Variants in PSG1 observed in about 807,000 individuals in gnomAD.
PSG1 encodes the protein pregnancy specific beta-1-glycoprotein 1.
A neutral mutation model predicts 41.4 loss-of-function variants in PSG1; 60 were observed. That is an observed-to-expected ratio of 1.45 (90% confidence interval 1.18 to 1.80). The LOEUF is 1.80. PSG1 is among the 40% of genes most tolerant of loss of function. PSG1 has a pLI of 0.00. For missense variants in PSG1, 806 were observed against 516.9 expected (o/e 1.56, Z -5.42); for synonymous variants, 256 against 192.9 (o/e 1.33, Z -2.71).
chr19:42,879,253 C>G (rs1049306819), intron 1 of PSG1, among the ~76,000 whole-genome samples: 6 of 150,454 alleles, frequency 4.0e-5, no homozygotes, highest in South Asian at 2.1e-4. Flanking sequence ...CCCGGGTTCA[C>G]GTGATTCTCC....
intron 2 of PSG1, among the ~76,000 whole-genome samples, chr19:42,876,370 T>C (rs1178735456): frequency 6.6e-6 from 1 of 151,106 alleles, no homozygotes; most frequent in Non-Finnish European, 1.5e-5. Flanking sequence ...CAGAATTACA[T>C]GAGGTGGGGT....
In PSG1 at chr19:42,866,965, T is replaced by C. The variant is rs1170977446; in HGVS notation, c.*169A>G. ...ACAGTTTGAGCATCTGTTGTTATGG[T>C]GTCGAATATTTTGGTGAGTTCTGAG... is the stretch of plus-strand genomic sequence containing the variant. On this transcript the variant is annotated 3_prime_UTR_variant, in exon 6 of 6. Transcript: ENST00000436291. 1 of 756,488 alleles carries C rather than the reference T, an allele frequency of 1.3e-6. No homozygotes were observed. Among genetic ancestry groups the C allele is most frequent in the Non-Finnish European group, 2.4e-6 (1 of 413,746 alleles). 46.9% of individuals were successfully genotyped at this position (756,488 alleles called of 1,614,324 possible).
chr19:42,872,762 T>C lies in PSG1; in HGVS notation c.431-717A>G, dbSNP rs543423882. Among the ~76,000 whole-genome samples, 18 of 151,870 alleles carry C rather than the reference T, an allele frequency of 1.2e-4. No homozygotes were observed. The South Asian group carries it at 2.1e-3, about 18-fold the overall frequency. ...ATAGCTTTGGACCAAGACCATGTTC[T>C]CTCTTCTGGGTCCATGATGCTCCCT... is the stretch of plus-strand genomic sequence containing the variant. On this transcript the variant is annotated intron_variant, in intron 2 of 5. Transcript: ENST00000436291.
Position 42,876,049 on chromosome 19 carries a change from C to T in PSG1, c.430+1864G>A, listed in dbSNP as rs1211704275. Among the ~76,000 whole-genome samples, 23 of 151,260 alleles carry T rather than the reference C, an allele frequency of 1.5e-4. 1 individual carries two copies. In the Admixed American group the frequency reaches 1.5e-3, roughly 10 times the overall value. The stretch of plus-strand genomic sequence containing the variant: ...GTGGCAACTCCAGATGATTTCTGTG[C>T]CTTTCCTCTTTCCTGGGAGGTGGGC... On this transcript the variant is annotated intron_variant, in intron 2 of 5. Coordinates refer to ENST00000436291, the MANE Select transcript of PSG1 (RefSeq NM_001184825.2).
intron 2 of PSG1, among the ~76,000 whole-genome samples, chr19:42,872,485 G>A (rs1481393484): frequency 4.0e-5 from 6 of 151,702 alleles, no homozygotes; most frequent in Non-Finnish European, 7.4e-5. Context: ...CCTAGAGATG[G>A]ATGATGGAAC....
rs144665619 is a variant in PSG1 at position 42,868,154 on chromosome 19, C to G, written c.1190G>C (p.Arg397Pro). ...KHSGLYVCSV[R>P]NSATGKESSK... ...GCTTTCCTTGCCAGTGGCTGAGTTA[C>G]GAACAGAGCAAACATAGAGCCCGCT... Residue 397 changes from arginine to proline, a missense_variant, in exon 5 of 6, where the codon CGT (arginine) becomes CCT (proline). By Grantham distance (103) the Arg-to-Pro change is moderately radical. Coordinates refer to ENST00000436291, the MANE Select transcript of PSG1 (RefSeq NM_001184825.2). The G allele has an allele frequency of 1.2e-6, 2 of 1,612,148 alleles. No individual in the cohort carries two copies. The highest frequency in any genetic ancestry group is 1.3e-5 in the African/African-American group (1 of 74,628).
At position 42,868,217 on chromosome 19, in the gene PSG1, C is replaced by T. The variant is rs1971218639; in HGVS notation, c.1127G>A (p.Gly376Glu). 1.9e-6 allele frequency: 3 copies of T among 1,612,316 alleles called. 1 individual carries two copies. The highest frequency in any genetic ancestry group is 2.5e-6 in the Non-Finnish European group (3 of 1,179,118). ...AATATGGCGGATAAAGAGCTTTTGT[C>T]CTGGTAGCTGAAACTTTTCATTAAT... ...WTINEKFQLP[G>E]QKLFIRHITT... Residue 376 changes from glycine (G) to glutamate (E), a missense_variant, in exon 5 of 6, where the codon GGA (glycine) becomes GAA (glutamate). Physicochemically the swap from Gly to Glu is moderately conservative, Grantham distance 98. Transcript: ENST00000436291.
chr19:42,874,360 T>C (rs1331701347), intron 2 of PSG1, among the ~76,000 whole-genome samples: 1 of 151,476 alleles, frequency 6.6e-6, no homozygotes, highest in African/African-American at 2.4e-5. Flanking sequence ...GGGTTTTTTT[T>C]TTCTGAGACA....
chr19:42,872,439 G>A (rs1001038299), intron 2 of PSG1, among the ~76,000 whole-genome samples: 21 of 151,630 alleles, frequency 1.4e-4, no homozygotes, highest in Admixed American at 1.4e-3. Flanking sequence ...GCCCACTGAG[G>A]TATGTTTTCT....
chr19:42,874,181 A>C (rs1971509654), intron 2 of PSG1: 1 of 151,700 alleles, frequency 6.6e-6, no homozygotes, highest in African/African-American at 2.4e-5. Flanking sequence ...AAAACAAAAT[A>C]TTAAATATGA....
chr19:42,874,350 GGGT>G (rs1971516717), intron 2 of PSG1, among the ~76,000 whole-genome samples: 1 of 150,290 alleles, frequency 6.7e-6, no homozygotes, highest in Non-Finnish European at 1.5e-5. Context: ...TTCTCTAACA[GGGT>G]TTTTTTTTTC....
At position 42,868,205 on chromosome 19, in the gene PSG1, A is replaced by C. The variant is rs754610346; in HGVS notation, c.1139T>G (p.Phe380Cys). ...EKFQLPGQKL[F>C]IRHITTKHSG... ...ATGCTTTGTAGTAATATGGCGGATA[A>C]AGAGCTTTTGTCCTGGTAGCTGAAA... Residue 380 changes from phenylalanine (F) to cysteine (C), a missense_variant, in exon 5 of 6, where the codon TTT becomes TGT. Physicochemically the swap from Phe to Cys is radical, Grantham distance 205 (BLOSUM62 -2). Coordinates refer to ENST00000436291, the MANE Select transcript of PSG1 (RefSeq NM_001184825.2). 1.2e-6 allele frequency: 2 copies of C among 1,612,420 alleles called. No homozygotes were observed. The highest frequency in any genetic ancestry group is 2.7e-5 in the African/African-American group (2 of 74,790).
At position 42,872,702 on chromosome 19, in the gene PSG1, G is replaced by A. The variant is rs954830166; in HGVS notation, c.431-657C>T. ...AAAGATAGAGCAGAGTCCAAGGAAT[G>A]ACCTACAAAGAGTGAAGGGGATAGG... is the stretch of plus-strand genomic sequence containing the variant. On this transcript the variant is annotated intron_variant, in intron 2 of 5. Coordinates refer to ENST00000436291, the MANE Select transcript of PSG1 (RefSeq NM_001184825.2). 4.6e-5 allele frequency among the ~76,000 whole-genome samples: 7 copies of A among 151,750 alleles called. No individual in the cohort carries two copies. In the East Asian group the frequency reaches 1.4e-3, roughly 30 times the overall value.
At position 42,873,236 on chromosome 19, in the gene PSG1, T is replaced by A. The variant is rs1177453759; in HGVS notation, c.431-1191A>T. ...AGCTTGAAACTAAGTGTTTTGGATG[T>A]CTAATTATTTTTTTATTTTGGAATA... On this transcript the variant is annotated intron_variant, in intron 2 of 5. Coordinates refer to ENST00000436291, the MANE Select transcript of PSG1 (RefSeq NM_001184825.2). Among the ~76,000 whole-genome samples, 2 of 151,702 alleles carry A rather than the reference T, an allele frequency of 1.3e-5. 1 individual carries two copies. Among genetic ancestry groups the A allele is most frequent in the Non-Finnish European group, 2.9e-5 (2 of 67,886 alleles).
At chr19:42,878,658 G>T (rs1231578233) in intron 1 of PSG1, among the ~76,000 whole-genome samples, 11 of 147,712 alleles carry the variant, frequency 7.4e-5, no homozygotes, top group Non-Finnish European at 1.6e-4. Flanking sequence ...AGAGACCCTG[G>T]GTCTTCCCTT....
chr19:42,879,141 CCTTTTTTTCTTTTTT>C (rs1192171067), intron 1 of PSG1, among the ~76,000 whole-genome samples: 1 of 145,676 alleles, frequency 6.9e-6, no homozygotes, highest in Non-Finnish European at 1.5e-5. Context: ...AGCCTTCTTT[CCTTTTTTTCTTTTTT>C]CTTTTTTTTT....
At chr19:42,871,090 C>A (rs111912306) in intron 3 of PSG1, among the ~76,000 whole-genome samples, 1 of 151,650 alleles carries the variant, frequency 6.6e-6, no homozygotes, top group African/African-American at 2.4e-5. Flanking sequence ...ATTGCCAATG[C>A]TCCAGGGATC....
At chr19:42,878,810 C>G (rs190470893) in intron 1 of PSG1, among the ~76,000 whole-genome samples, 1,815 of 151,052 alleles carry the variant, frequency 0.012, 61 homozygotes, top group African/African-American at 0.042. Flanking sequence ...TTGGTTGCAC[C>G]CCAGTGCCTG....
intron 1 of PSG1, 150 bp from the exon 2 acceptor site, chr19:42,878,428 C>A (rs1269305014): frequency 4.0e-6 from 5 of 1,249,686 alleles, no homozygotes; most frequent in Admixed American, 5.2e-5. Context: ...CACACACACA[C>A]AAAAGCGGCA....
Sources: gnomAD v4.1 joint callset for allele counts (sites outside exome capture counted in the v4.1 genomes callset) on GRCh38, gnomAD v4.1.1 for gene constraint, MANE v1.5 for transcripts, NCBI Gene and HGNC (gene_info 2026-07-23, HGNC 2026-07-21) for gene names.